PHF2: variants seen among roughly 807,000 people sequenced by gnomAD.
The protein encoded by PHF2 is PHD finger protein 2.
Under a neutral mutation model 120.5 loss-of-function variants are expected in PHF2, and 27 were observed. The observed-to-expected ratio is 0.22, with a 90% CI of 0.17 to 0.31. PHF2 has a LOEUF of 0.31. PHF2 is among the 10% of genes least tolerant of loss of function. The pLI, the probability that PHF2 is intolerant of heterozygous loss-of-function variation, is 1.00. For synonymous variants in PHF2, 568 were observed against 592.5 expected, an observed-to-expected ratio of 0.96 and a Z score of 0.60; for missense variants, 1,024 against 1,434.8, an observed-to-expected ratio of 0.71 and a Z score of 4.63.
chr9:93,651,125 C>T (rs1363263277), intron 5 of PHF2, among the ~76,000 whole-genome samples: 1 of 147,562 alleles, frequency 6.8e-6, no homozygotes, highest in Non-Finnish European at 1.5e-5. Flanking sequence ...AGGTAATGGG[C>T]ATTCATTTTG....
At chr9:93,667,720 C>T (rs574318333) in intron 17 of PHF2, among the ~76,000 whole-genome samples, 3 of 152,228 alleles carry the variant, frequency 2.0e-5, no homozygotes, top group Admixed American at 6.5e-5. Context: ...TATACTTGCA[C>T]GTGGGCACAC....
intron 1 of PHF2, among the ~76,000 whole-genome samples, chr9:93,596,964 G>A (rs1418606200): frequency 1.6e-5 from 2 of 121,762 alleles, no homozygotes; most frequent in Non-Finnish European, 3.2e-5. Flanking sequence ...ACAGAGTCTC[G>A]CTGTCTCCCA....
chr9:93,605,277 G>A (rs1329621508), intron 1 of PHF2, among the ~76,000 whole-genome samples: 1 of 152,156 alleles, frequency 6.6e-6, no homozygotes, highest in Admixed American at 6.5e-5. Context: ...GAGTGCAGTG[G>A]TGTGATTAGA....
Position 93,655,013 on chromosome 9 carries a change from A to G in PHF2, c.952+438A>G, listed in dbSNP as rs554876897. Among the ~76,000 whole-genome samples the G allele has an allele frequency of 2.6e-5, 4 of 152,314 alleles. 1 individual carries two copies. The South Asian group carries it at 8.3e-4, about 32-fold the overall frequency. ...AGGGCGCTAGCTGCTAATTAAGACA[A>G]TAGTAGGGGACATTTTGAGTCTGTG... On this transcript the variant is annotated intron_variant, in intron 7 of 21. Transcript: ENST00000359246.
rs1354600020 is a variant in PHF2 at position 93,656,235 on chromosome 9, C to T, written c.1040+214C>T. ...CAGGCCGGCTCCTCAAGGGACCTGGCTGCTGGATGGTTGTAGTTGCCCTTG... is the reference window on the plus strand; with the variant it reads ...CAGGCCGGCTCCTCAAGGGACCTGGTTGCTGGATGGTTGTAGTTGCCCTTG... On this transcript the variant is annotated intron_variant, in intron 8 of 21. Coordinates refer to ENST00000359246, the MANE Select transcript of PHF2 (RefSeq NM_005392.4). This position sits in a 1 kb window ranked among gnomAD's most constrained non-coding sequence, Gnocchi z 4.1. Among the ~76,000 whole-genome samples, 1 of 152,116 alleles carries T rather than the reference C, an allele frequency of 6.6e-6. No homozygotes were observed. The highest frequency in any genetic ancestry group is 1.9e-4 in the East Asian group (1 of 5,162).
intron 1 of PHF2, among the ~76,000 whole-genome samples, chr9:93,605,193 A>G (rs1825517897): frequency 6.6e-6 from 1 of 152,148 alleles, no homozygotes; most frequent in African/African-American, 2.4e-5. Flanking sequence ...TTACACTAGT[A>G]TTTACTTTTT....
chr9:93,597,988 A>G (rs1483987023), intron 1 of PHF2, among the ~76,000 whole-genome samples: 3 of 152,114 alleles, frequency 2.0e-5, no homozygotes, highest in African/African-American at 4.8e-5. Flanking sequence ...TCAGGTCAAC[A>G]TGGCACATTG....
At chr9:93,673,479 G>T in intron 17 of PHF2, 106 bp from the exon 18 acceptor site, 2 of 1,046,376 alleles carry the variant, frequency 1.9e-6, no homozygotes, top group South Asian at 4.1e-5. Flanking sequence ...TGCCACCTGG[G>T]CCAGGAGTTT....
Position 93,673,794 on chromosome 9 carries a change from G to A in PHF2, c.2558G>A (p.Ser853Asn), listed in dbSNP as rs763700284. Residue 853 changes from serine to asparagine, a missense_variant, in exon 18 of 22, where the codon AGT becomes AAT. Coordinates refer to ENST00000359246, the MANE Select transcript of PHF2 (RefSeq NM_005392.4). ...KRLLKRAAKN[S>N]VDLDDYEEEQ... ...CTGCTGAAGAGGGCTGCCAAGAACA[G>A]TGTCGACCTGGACGACTACGAGGAA... 1.6e-5 allele frequency: 25 copies of A among 1,612,514 alleles called. No individual in the cohort carries two copies. Among genetic ancestry groups the A allele is most frequent in the Non-Finnish European group, 2.0e-5 (23 of 1,179,094 alleles).
At chr9:93,611,228 C>G (rs990589380) in intron 1 of PHF2, among the ~76,000 whole-genome samples, 2 of 151,998 alleles carry the variant, frequency 1.3e-5, no homozygotes, top group Non-Finnish European at 2.9e-5. Context: ...CCAGCCTGAC[C>G]GACATGGTGA....
chr9:93,582,866 T>G (rs1239004689), intron 1 of PHF2, among the ~76,000 whole-genome samples: 1 of 152,232 alleles, frequency 6.6e-6, no homozygotes, highest in Non-Finnish European at 1.5e-5. Flanking sequence ...TAGCTAGAAA[T>G]GTGCACATGG....
At chr9:93,619,627 T>A (rs539534439) in intron 1 of PHF2, among the ~76,000 whole-genome samples, 2 of 151,964 alleles carry the variant, frequency 1.3e-5, no homozygotes, top group South Asian at 4.2e-4. Flanking sequence ...CCATGCCTGC[T>A]GGTGGCTTCC....
chr9:93,623,129 T>C (rs763539961), intron 1 of PHF2, among the ~76,000 whole-genome samples: 42 of 152,118 alleles, frequency 2.8e-4, no homozygotes, highest in Non-Finnish European at 5.0e-4. Context: ...GGCATGGACA[T>C]GGAGTGTGGT....
At chr9:93,667,007 C>A in intron 16 of PHF2, 73 bp from the exon 17 acceptor site, 1 of 1,293,568 alleles carries the variant, frequency 7.7e-7, no homozygotes, top group Non-Finnish European at 1.0e-6. Context: ...GAAAAAGTAT[C>A]CTCCTCCCAA....
chr9:93,580,656 G>T (rs552895207), intron 1 of PHF2, among the ~76,000 whole-genome samples: 2 of 152,340 alleles, frequency 1.3e-5, no homozygotes, highest in South Asian at 4.1e-4. Flanking sequence ...TGGACTGGAA[G>T]GGTTTTTGGA....
chr9:93,660,302 G>C lies in PHF2; in HGVS notation c.1440G>C (p.Pro480=). 6.2e-7 allele frequency: 1 copy of C among 1,610,422 alleles called. No homozygotes were observed. The highest frequency in any genetic ancestry group is 8.5e-7 in the Non-Finnish European group (1 of 1,178,724). The change falls in exon 12 of 22, where the codon CCG becomes CCC. Residue 480 remains proline (P), a synonymous_variant. Coordinates refer to ENST00000359246, the MANE Select transcript of PHF2 (RefSeq NM_005392.4). ...EEPPSPIEAT[P]PQSLLEKVSK... is the part of the protein sequence containing the mutation. Reference sequence around the variant, plus strand: ...CCCCGTCTCCCATTGAGGCCACCCCGCCTCAATCCCTCCTGGAGAAAGTGT... The same window carrying C: ...CCCCGTCTCCCATTGAGGCCACCCCCCCTCAATCCCTCCTGGAGAAAGTGT...
At chr9:93,619,412 G>A (rs965560639) in intron 1 of PHF2, among the ~76,000 whole-genome samples, 5 of 152,320 alleles carry the variant, frequency 3.3e-5, no homozygotes, top group Non-Finnish European at 2.9e-5. Flanking sequence ...ACTTTGCTCC[G>A]CTGACCTTGC....
intron 2 of PHF2, 126 bp from the exon 3 acceptor site, chr9:93,636,285 T>C (rs904995577): frequency 1.5e-6 from 1 of 688,932 alleles, no homozygotes; most frequent in Non-Finnish European, 2.5e-6. Context: ...TCTTGAGAGG[T>C]GAGCATGAGC....
intron 1 of PHF2, among the ~76,000 whole-genome samples, chr9:93,616,837 G>A (rs1476059745): frequency 3.3e-5 from 5 of 152,006 alleles, no homozygotes; most frequent in Admixed American, 3.3e-4. Flanking sequence ...TGCATTTTTA[G>A]TAGAGACGGG....
Sources: gnomAD v4.1 joint callset for allele counts (sites outside exome capture counted in the v4.1 genomes callset) on GRCh38, gnomAD v4.1.1 for gene constraint, Gnocchi (gnomAD v3.1) non-coding constraint, MANE v1.5 for transcripts, NCBI Gene and HGNC (gene_info 2026-07-23, HGNC 2026-07-21) for gene names.